The following FAT3 variants were observed in gnomAD, a reference collection of about 807,000 sequenced individuals.
FAT3 encodes protocadherin Fat 3.
In FAT3, 95 loss-of-function variants were observed where a neutral mutation model predicts 310.2. The observed-to-expected ratio is 0.31, with a 90% CI of 0.26 to 0.36. FAT3 has a LOEUF of 0.36. FAT3 is among the 10% of genes least tolerant of loss of function. The pLI, the probability that FAT3 is intolerant of heterozygous loss-of-function variation, is 1.00. For missense variants in FAT3, 5,408 were observed against 5,715.6 expected (o/e 0.95, Z 1.74); for synonymous variants, 2,314 against 2,192.9 (o/e 1.06, Z -1.54).
chr11:92,525,043 A>G (rs1229778816), intron 3 of FAT3, 95 bp downstream of exon 3: 11 of 1,011,260 alleles, frequency 1.1e-5, no homozygotes, highest in Non-Finnish European at 1.4e-5. Context: ...TTTATTTTCT[A>G]AAGAATAGCA....
chr11:92,272,647 G>A (rs1946157281), intron 1 of FAT3, among the ~76,000 whole-genome samples: 2 of 152,078 alleles, frequency 1.3e-5, no homozygotes, highest in African/African-American at 4.8e-5. Flanking sequence ...AGGGAAAGCT[G>A]CATGGGAGAG....
intron 3 of FAT3, among the ~76,000 whole-genome samples, chr11:92,623,620 G>A (rs1304610060): frequency 6.6e-6 from 1 of 152,180 alleles, no homozygotes; most frequent in African/African-American, 2.4e-5. Context: ...CATTTAGGGT[G>A]TAACAGAATT....
intron 2 of FAT3, among the ~76,000 whole-genome samples, chr11:92,422,024 G>T (rs991546306): frequency 6.6e-6 from 1 of 152,174 alleles, no homozygotes; most frequent in Non-Finnish European, 1.5e-5. Context: ...GCTGTACCTG[G>T]TGCCCCTTTG....
At chr11:92,231,805 GT>G (rs5793586) in intron 1 of FAT3, among the ~76,000 whole-genome samples, 50,971 of 149,018 alleles carry the variant, frequency 0.34, 8,867 homozygotes, top group Admixed American at 0.47. Context: ...AAATATCAGG[GT>G]TTTTTTTTTT....
chr11:92,892,291 G>T lies in FAT3; in HGVS notation c.*1178G>T, dbSNP rs7932490. 1 of 151,996 alleles carries T rather than the reference G, an allele frequency of 6.6e-6. No individual in the cohort carries two copies. Among genetic ancestry groups the T allele is most frequent in the South Asian group, 2.1e-4 (1 of 4,830 alleles). The allele number at this position is 151,996 out of a possible 1,614,324, so 9.4% of individuals were successfully genotyped here. A position where few individuals can be genotyped will look rare whatever the true frequency, so the allele number is the denominator to read the frequency against. On this transcript the variant is annotated 3_prime_UTR_variant, in exon 28 of 28. Coordinates refer to ENST00000525166, the MANE Select transcript of FAT3 (RefSeq NM_001367949.2). ...AATGGACCATGTTGAAAATTCTGCC[G>T]GCGAGCATGGCATACCTTTCAATTT...
At chr11:92,775,563 A>C (rs79286285) in intron 7 of FAT3, among the ~76,000 whole-genome samples, 11 of 152,328 alleles carry the variant, frequency 7.2e-5, no homozygotes, top group Non-Finnish European at 1.2e-4. Context: ...TAGGATGATC[A>C]TATGACTCTG....
intron 1 of FAT3, among the ~76,000 whole-genome samples, chr11:92,285,113 A>G (rs992499051): frequency 1.3e-5 from 2 of 152,144 alleles, no homozygotes; most frequent in Non-Finnish European, 2.9e-5. Context: ...TATATCTAGA[A>G]TATGAATTAG....
In FAT3 at chr11:92,752,554, G is replaced by C. The variant is rs115780201; in HGVS notation, c.3670-9302G>C. 7.4e-3 allele frequency among the ~76,000 whole-genome samples: 1,121 copies of C among 152,304 alleles called. 12 individuals are homozygous for C. The highest frequency in any genetic ancestry group is 0.026 in the African/African-American group (1,064 of 41,564). On this transcript the variant is annotated intron_variant, in intron 4 of 27. Coordinates refer to ENST00000525166, the MANE Select transcript of FAT3 (RefSeq NM_001367949.2). ...TCATTATGATTATCCCAACAGCCTA[G>C]GGTAGGGAGCCAAAGTTTCTAGTAA...
At chr11:92,284,250 A>G (rs1219387049) in intron 1 of FAT3, among the ~76,000 whole-genome samples, 1 of 152,024 alleles carries the variant, frequency 6.6e-6, no homozygotes, top group Non-Finnish European at 1.5e-5. Context: ...AGCATGTCAA[A>G]GGTAGGAAAG....
At chr11:92,638,165 C>T (rs1941834835) in intron 3 of FAT3, among the ~76,000 whole-genome samples, 1 of 152,184 alleles carries the variant, frequency 6.6e-6, no homozygotes, top group Non-Finnish European at 1.5e-5. Flanking sequence ...ACTCATTGGA[C>T]TGGGTGATAG....
Position 92,722,216 on chromosome 11 carries a change from CCATTGGG to C in FAT3, c.3669+24772_3669+24778del, listed in dbSNP as rs1229484410. Among the ~76,000 whole-genome samples the C allele has an allele frequency of 8.0e-3, 1,223 of 152,200 alleles. 25 individuals are homozygous for C. Among genetic ancestry groups the C allele is most frequent in the African/African-American group, 0.028 (1,164 of 41,516 alleles). On this transcript the variant is annotated intron_variant, in intron 4 of 27. Coordinates refer to ENST00000525166, the MANE Select transcript of FAT3 (RefSeq NM_001367949.2). ...CTTTCTAGATATAATGGCAGTATACCCATTGGGTAAATACAGCCATTCCAAATGGGAG... is the reference window on the plus strand; with the variant it reads ...CTTTCTAGATATAATGGCAGTATACCTAAATACAGCCATTCCAAATGGGAG...
chr11:92,772,243 A>T (rs907667798), intron 6 of FAT3, among the ~76,000 whole-genome samples: 2 of 152,172 alleles, frequency 1.3e-5, no homozygotes, highest in Admixed American at 1.3e-4. Context: ...ACAACCTGAG[A>T]AGTTACATTC....
chr11:92,425,689 T>C (rs1950617102), intron 2 of FAT3, among the ~76,000 whole-genome samples: 2 of 152,148 alleles, frequency 1.3e-5, no homozygotes, highest in South Asian at 4.1e-4. Flanking sequence ...TCCGACTTTA[T>C]CTGTGTCCCT....
chr11:92,625,531 G>A (rs1327752978), intron 3 of FAT3, among the ~76,000 whole-genome samples: 1 of 152,174 alleles, frequency 6.6e-6, no homozygotes, highest in East Asian at 1.9e-4. Flanking sequence ...ACTGTCAGCT[G>A]GAGCACCCAA....
At chr11:92,661,434 C>G (rs1213560325) in intron 3 of FAT3, among the ~76,000 whole-genome samples, 1 of 152,154 alleles carries the variant, frequency 6.6e-6, no homozygotes, top group Non-Finnish European at 1.5e-5. Context: ...TGTGGTGAAC[C>G]CTTGAAATAA....
At chr11:92,843,732 A>G (rs1948604436) in intron 18 of FAT3, among the ~76,000 whole-genome samples, 1 of 152,180 alleles carries the variant, frequency 6.6e-6, no homozygotes, top group African/African-American at 2.4e-5. Context: ...ATTGTCCATA[A>G]CAGAGTGTAC....
chr11:92,293,581 A>G (rs957392484), intron 1 of FAT3, among the ~76,000 whole-genome samples: 3 of 144,696 alleles, frequency 2.1e-5, no homozygotes, highest in East Asian at 4.0e-4. Flanking sequence ...CAATTTCAAT[A>G]TACAGTGCAT....
chr11:92,633,080 G>A (rs1941617798), intron 3 of FAT3, among the ~76,000 whole-genome samples: 1 of 152,168 alleles, frequency 6.6e-6, no homozygotes, highest in Non-Finnish European at 1.5e-5. Context: ...CCTGGTTCTT[G>A]ATTTTTCTTT....
At chr11:92,847,241 C>G (rs1948706793) in intron 19 of FAT3, among the ~76,000 whole-genome samples, 1 of 152,144 alleles carries the variant, frequency 6.6e-6, no homozygotes, top group Non-Finnish European at 1.5e-5. Context: ...TTTTATTATG[C>G]CTTTTCTATG....
Sources: allele counts gnomAD v4.1 joint callset (sites outside exome capture counted in the v4.1 genomes callset), GRCh38; gene constraint gnomAD v4.1.1; transcripts MANE v1.5; gene names NCBI Gene and HGNC (gene_info 2026-07-23, HGNC 2026-07-21).